Variants in CCBE1 observed in about 807,000 individuals in gnomAD.
The protein encoded by CCBE1 is collagen and calcium binding EGF domains 1.
A neutral mutation model predicts 50.0 loss-of-function variants in CCBE1; 37 were observed. That is an observed-to-expected ratio of 0.74 (90% confidence interval 0.57 to 0.97). CCBE1 has a LOEUF of 0.97. CCBE1 is among the 50% of genes least tolerant of loss of function. The probability of loss-of-function intolerance (pLI) is 0.00; values close to 1 mark genes in which losing one functional copy is unlikely to be tolerated. For synonymous variants in CCBE1, 234 were observed against 203.7 expected (o/e 1.15, Z -1.27); for missense variants, 538 against 523.8 (o/e 1.03, Z -0.26).
intron 2 of CCBE1, among the ~76,000 whole-genome samples, chr18:59,642,018 A>G (rs1006968733): frequency 4.6e-5 from 7 of 152,208 alleles, no homozygotes; most frequent in African/African-American, 1.7e-4. Context: ...GAAAAAATGT[A>G]TAAACCATGA....
intron 2 of CCBE1, among the ~76,000 whole-genome samples, chr18:59,485,865 T>A (rs1022774096): frequency 6.6e-6 from 1 of 151,202 alleles, no homozygotes; most frequent in African/African-American, 2.4e-5. Context: ...CCTCCCAAAG[T>A]GCTAGGATTA....
chr18:59,613,345 C>T (rs1013713782), intron 2 of CCBE1, among the ~76,000 whole-genome samples: 5 of 152,096 alleles, frequency 3.3e-5, no homozygotes, highest in Non-Finnish European at 5.9e-5. Context: ...TTTCTGTATA[C>T]AGAAAAGATT....
intron 2 of CCBE1, among the ~76,000 whole-genome samples, chr18:59,641,546 T>C (rs2053990942): frequency 8.6e-6 from 1 of 116,124 alleles, no homozygotes; most frequent in Non-Finnish European, 2.2e-5. Context: ...CCAAACCCCG[T>C]GACACAAGAT....
chr18:59,617,346 A>T (rs141403458), intron 2 of CCBE1, among the ~76,000 whole-genome samples: 56 of 152,358 alleles, frequency 3.7e-4, no homozygotes, highest in African/African-American at 1.3e-3. Context: ...CTAGTCTTAG[A>T]TTCTTTGTTT....
At chr18:59,620,702 C>T (rs946708717) in intron 2 of CCBE1, among the ~76,000 whole-genome samples, 6 of 152,172 alleles carry the variant, frequency 3.9e-5, no homozygotes, top group Admixed American at 1.3e-4. Context: ...TTCCCCTGCA[C>T]AAGCTCTCCT....
chr18:59,687,023 G>C (rs1271266505), intron 2 of CCBE1, among the ~76,000 whole-genome samples: 1 of 152,172 alleles, frequency 6.6e-6, no homozygotes, highest in Admixed American at 6.5e-5. Flanking sequence ...CAAGTCTGTG[G>C]TCTAAGTGGG....
At chr18:59,611,662 C>CT (rs776723011) in intron 2 of CCBE1, among the ~76,000 whole-genome samples, 3 of 152,144 alleles carry the variant, frequency 2.0e-5, no homozygotes, top group African/African-American at 4.8e-5. Flanking sequence ...AGCAGAATCA[C>CT]TTGAACCAGG....
chr18:59,467,053 C>A (rs1191448766), intron 4 of CCBE1, among the ~76,000 whole-genome samples, 162 bp from the exon 5 acceptor site: 1 of 152,258 alleles, frequency 6.6e-6, no homozygotes, highest in African/African-American at 2.4e-5. Flanking sequence ...AAATGTGGGT[C>A]ATCCATAAAA....
chr18:59,497,395 C>T (rs184849312), intron 2 of CCBE1, among the ~76,000 whole-genome samples: 179 of 152,274 alleles, frequency 1.2e-3, no homozygotes, highest in Non-Finnish European at 2.1e-3. Flanking sequence ...ACATAAGTGT[C>T]TAACAACATC....
intron 2 of CCBE1, among the ~76,000 whole-genome samples, chr18:59,504,183 T>G (rs1350497030): frequency 1.3e-5 from 2 of 152,222 alleles, no homozygotes; most frequent in Non-Finnish European, 2.9e-5. Flanking sequence ...GTAAGTCATC[T>G]CATCTTCACA....
intron 2 of CCBE1, among the ~76,000 whole-genome samples, chr18:59,685,471 G>T (rs2054642604): frequency 6.6e-6 from 1 of 152,174 alleles, no homozygotes; most frequent in Non-Finnish European, 1.5e-5. Flanking sequence ...CTGGCTTAGT[G>T]GCCATGGAAT....
intron 2 of CCBE1, among the ~76,000 whole-genome samples, chr18:59,595,198 G>A (rs2053333804): frequency 6.7e-6 from 1 of 148,834 alleles, no homozygotes; most frequent in African/African-American, 2.5e-5. Flanking sequence ...CCTTGCACAG[G>A]CCTGGCCAGT....
chr18:59,485,256 TA>T (rs1016488242), intron 2 of CCBE1, among the ~76,000 whole-genome samples: 5 of 151,770 alleles, frequency 3.3e-5, no homozygotes, highest in African/African-American at 9.7e-5. Context: ...TTAACACATG[TA>T]AAAAAAATAA....
At chr18:59,445,715 A>G (rs1445123353) in intron 7 of CCBE1, among the ~76,000 whole-genome samples, 1 of 152,220 alleles carries the variant, frequency 6.6e-6, no homozygotes, top group Non-Finnish European at 1.5e-5. Flanking sequence ...AGGGTGCCAG[A>G]TCCCTCCTTT....
chr18:59,473,704 C>CCTTCCAACCTTCCCACTATTTCCT (rs1912153069), intron 3 of CCBE1, among the ~76,000 whole-genome samples: 1 of 139,618 alleles, frequency 7.2e-6, no homozygotes. Flanking sequence ...CCCACTACTC[C>CCTTCCAACCTTCCCACTATTTCCT]CCCCCTACTA....
At chr18:59,672,322 C>T (rs1305190053) in intron 2 of CCBE1, among the ~76,000 whole-genome samples, 1 of 152,196 alleles carries the variant, frequency 6.6e-6, no homozygotes, top group Non-Finnish European at 1.5e-5. Context: ...CAAGCTGCCG[C>T]TGTCCCAAAT....
intron 2 of CCBE1, among the ~76,000 whole-genome samples, chr18:59,627,887 A>G (rs902467850): frequency 3.3e-5 from 5 of 152,212 alleles, no homozygotes; most frequent in African/African-American, 1.2e-4. Context: ...TTATACAGGC[A>G]TATTGAAAAC....
intron 2 of CCBE1, among the ~76,000 whole-genome samples, chr18:59,604,582 G>C (rs2053472547): frequency 6.6e-6 from 1 of 152,186 alleles, no homozygotes; most frequent in African/African-American, 2.4e-5. Context: ...TAAAAGGAGA[G>C]CTGATCATCT....
At chr18:59,606,428 G>A (rs1421867302) in intron 2 of CCBE1, among the ~76,000 whole-genome samples, 5 of 152,172 alleles carry the variant, frequency 3.3e-5, no homozygotes, top group South Asian at 4.1e-4. Flanking sequence ...GAAGTCAGAC[G>A]TTGATTTTCA....
Sources: allele counts gnomAD v4.1 joint callset (sites outside exome capture counted in the v4.1 genomes callset), GRCh38; gene constraint gnomAD v4.1.1; transcripts MANE v1.5; gene names NCBI Gene and HGNC (gene_info 2026-07-23, HGNC 2026-07-21).